The following MRPL38 variants were observed in gnomAD, a reference collection of about 807,000 sequenced individuals.
MRPL38 encodes the protein mitochondrial ribosomal protein L38.
MRPL38 carries 51 observed loss-of-function variants against 52.1 expected under a neutral mutation model. The observed-to-expected ratio is 0.98, with a 90% CI of 0.78 to 1.24. The LOEUF (loss-of-function observed/expected upper bound fraction) is 1.24, where lower values mean the gene tolerates loss of function less well. Ranked by LOEUF, MRPL38 falls within the 50% of genes most tolerant of loss-of-function variation. The pLI is 0.00. For synonymous variants in MRPL38, 245 were observed against 212.7 expected, an observed-to-expected ratio of 1.15 and a Z score of -1.32; for missense variants, 527 against 518.6, an observed-to-expected ratio of 1.02 and a Z score of -0.16.
chr17:75,904,813 G>A lies in MRPL38; in HGVS notation c.63C>T (p.Thr21=), dbSNP rs1361149681. The change falls in exon 1 of 9, where the codon ACC becomes ACT. Residue 21 remains threonine, a synonymous_variant. Coordinates refer to ENST00000309352, the MANE Select transcript of MRPL38 (RefSeq NM_032478.4). ...GCAGAGCTGCCCACCCCTCACCCGA[G>A]GTGCTGAAGCCCCGCCATCTCCGAC... ...CECRRWRGFS[T]SAVLGRRTPP... The A allele has an allele frequency of 9.6e-6, 12 of 1,254,754 alleles. No individual in the cohort carries two copies. The highest frequency in any genetic ancestry group is 9.2e-5 in the South Asian group (7 of 75,896). 77.7% of individuals were successfully genotyped at this position (1,254,754 alleles called of 1,614,324 possible).
chr17:75,900,724 A>G (rs1341397068), intron 6 of MRPL38: 1 of 986,180 alleles, frequency 1.0e-6, no homozygotes, highest in African/African-American at 1.8e-5. Flanking sequence ...CTGTCTCAAA[A>G]AAAAAAAAAA....
chr17:75,902,225 T>C (rs1441515770), intron 2 of MRPL38, 71 bp from the exon 3 acceptor site: 2 of 1,459,486 alleles, frequency 1.4e-6, no homozygotes, highest in South Asian at 1.3e-5. Flanking sequence ...CAACTCAGTC[T>C]CCTGAGTAGC....
chr17:75,899,467 C>G (rs1274833380), intron 7 of MRPL38, 49 bp downstream of exon 7: 1 of 1,543,504 alleles, frequency 6.5e-7, no homozygotes, highest in Non-Finnish European at 8.8e-7. Context: ...AGTGACCGTT[C>G]CAGGGGAGCT....
Position 75,902,100 on chromosome 17 carries a change from T to C in MRPL38, c.302A>G (p.Gln101Arg). The change falls in exon 3 of 9, where the codon CAA becomes CGA. Residue 101 changes from glutamine (Q) to arginine (R), a missense_variant. Coordinates refer to ENST00000309352, the MANE Select transcript of MRPL38 (RefSeq NM_032478.4). ...GLPPPKVSRT[Q>R]QLLERKQAIQ... ...GGCCTGTTTCCGTTCCAGTAGCTGT[T>C]GGGTCCGGGAGACTTTGGGTGGAGG... 1 of 1,601,784 alleles carries C rather than the reference T, an allele frequency of 6.2e-7. No individual in the cohort carries two copies. Among genetic ancestry groups the C allele is most frequent in the African/African-American group, 1.3e-5 (1 of 74,802 alleles).
chr17:75,901,607 G>T lies in MRPL38; in HGVS notation c.591+105C>A. ...GTGTCGTCTTCCAGGAAATCAAAGAGACAGAGAACAACAAAATTCCAAACC... is the reference window on the plus strand; with the variant it reads ...GTGTCGTCTTCCAGGAAATCAAAGATACAGAGAACAACAAAATTCCAAACC... On this transcript the variant is annotated intron_variant, in intron 4 of 8. Coordinates refer to ENST00000309352, the MANE Select transcript of MRPL38 (RefSeq NM_032478.4). This position sits in a 1 kb window ranked among gnomAD's most constrained non-coding sequence, Gnocchi z 5.7. 3.2e-6 allele frequency: 3 copies of T among 939,396 alleles called. No individual in the cohort carries two copies. The highest frequency in any genetic ancestry group is 5.1e-6 in the Non-Finnish European group (3 of 593,750). The allele number at this position is 939,396 out of a possible 1,614,324, so 58.2% of individuals were successfully genotyped here. A position where few individuals can be genotyped will look rare whatever the true frequency, so the allele number is the denominator to read the frequency against.
At chr17:75,902,461 G>A (rs1165429623) in intron 2 of MRPL38, among the ~76,000 whole-genome samples, 1 of 152,058 alleles carries the variant, frequency 6.6e-6, no homozygotes, top group Admixed American at 6.5e-5. Context: ...GCTCAGGCTG[G>A]TCTCAAAACT....
chr17:75,899,327 G>A (rs1175724974), intron 7 of MRPL38, 33 bp from the exon 8 acceptor site: 26 of 1,605,210 alleles, frequency 1.6e-5, no homozygotes, highest in Non-Finnish European at 2.2e-5. Flanking sequence ...TGAGAGTGTG[G>A]AGTGGGGCAC....
At chr17:75,899,747 A>C (rs960849958) in intron 6 of MRPL38, 73 bp from the exon 7 acceptor site, 1 of 1,308,392 alleles carries the variant, frequency 7.6e-7, no homozygotes, top group East Asian at 2.7e-5. Flanking sequence ...CTCCATGCAC[A>C]CCCTAGAGGC....
Position 75,900,977 on chromosome 17 carries a change from C to A in MRPL38, c.710+5G>T, listed in dbSNP as rs1306615367. The stretch of plus-strand genomic sequence containing the variant: ...ACCCCCTACCCCCAGTACTCCAGTA[C>A]TCACAGCAGCCAGTGGAGGTACTCA... On this transcript the variant is annotated splice_donor_5th_base_variant and intron_variant, in intron 6 of 8. Coordinates refer to ENST00000309352, the MANE Select transcript of MRPL38 (RefSeq NM_032478.4). 1.2e-6 allele frequency: 2 copies of A among 1,611,992 alleles called. No homozygotes were observed. Among genetic ancestry groups the A allele is most frequent in the Non-Finnish European group, 1.7e-6 (2 of 1,179,246 alleles).
chr17:75,899,557 G>A lies in MRPL38; in HGVS notation c.828C>T (p.Asp276=), dbSNP rs375231046. The change falls in exon 7 of 9, where the codon GAC becomes GAT. Residue 276 remains aspartate (D), a synonymous_variant. Transcript: ENST00000309352. ...CGTCCTCAGAGAAGTCAATCGGCTG[G>A]TCCTGCTTGAAGAGCAGGAAGGCAA... ...HRLAFLLFKQ[D]QPIDFSEDAR... is the part of the protein sequence containing the mutation. The A allele has an allele frequency of 3.5e-5, 57 of 1,605,652 alleles. No individual in the cohort carries two copies. In the East Asian group the frequency reaches 3.6e-4, roughly 10 times the overall value.
At chr17:75,904,208 G>C (rs1195619614) in intron 2 of MRPL38, 2 of 531,958 alleles carry the variant, frequency 3.8e-6, no homozygotes, top group African/African-American at 1.9e-5. Flanking sequence ...AGAATGCAGT[G>C]TGGCCAGAGT....
In MRPL38 at chr17:75,902,061, C is replaced by G; in HGVS notation, c.341G>C (p.Arg114Pro). ...LERKQAIQEL[R>P]ANVEEERAAR... ...AGCCCGCTCCTCTTCCACATTGGCC[C>G]GAAGCTCCTGGATGGCCTGTTTCCG... Residue 114 changes from arginine (R) to proline (P), a missense_variant, in exon 3 of 9, where the codon CGG (arginine) becomes CCG (proline). Arg to Pro is a moderately radical substitution (Grantham distance 103). Coordinates refer to ENST00000309352, the MANE Select transcript of MRPL38 (RefSeq NM_032478.4). 2 of 1,612,772 alleles carry G rather than the reference C, an allele frequency of 1.2e-6. No homozygotes were observed. The highest frequency in any genetic ancestry group is 1.7e-6 in the Non-Finnish European group (2 of 1,179,492).
At chr17:75,904,383 G>T in intron 2 of MRPL38, 157 bp downstream of exon 2, 1 of 817,226 alleles carries the variant, frequency 1.2e-6, no homozygotes, top group Non-Finnish European at 2.1e-6. Flanking sequence ...GGGTGATTAA[G>T]CTGCCGATAG....
rs2065417975 is a variant in MRPL38 at position 75,904,215 on chromosome 17, G to A, written c.247+325C>T. The A allele has an allele frequency of 5.5e-6, 3 of 541,488 alleles. No homozygotes were observed. In the Admixed American group the frequency reaches 6.7e-5, roughly 12 times the overall value. The allele number at this position is 541,488 out of a possible 1,614,324, so 33.5% of individuals were successfully genotyped here. ...GCACAGTCAGAATGCAGTGTGGCCA[G>A]AGTTACCTACAGAGTATTTGAGGCG... On this transcript the variant is annotated intron_variant, in intron 2 of 8. Coordinates refer to ENST00000309352, the MANE Select transcript of MRPL38 (RefSeq NM_032478.4).
rs758972772 is a variant in MRPL38, at chr17:75,904,601, C to T, written c.186G>A (p.Glu62=). 20 of 1,592,386 alleles carry T rather than the reference C, an allele frequency of 1.3e-5. No homozygotes were observed. Among genetic ancestry groups the T allele is most frequent in the Admixed American group, 1.7e-5 (1 of 58,884 alleles). The change falls in exon 2 of 9, where the codon GAG becomes GAA. Residue 62 remains glutamate (E), a synonymous_variant. Transcript: ENST00000309352. ...RSFDRYRRRA[E]QEAQAPHWWR... is the part of the protein sequence containing the mutation. ...ACCAGTGCGGGGCCTGCGCCTCCTG[C>T]TCTGCTCGGCGCCGGTAGCGGTCGA... is the stretch of plus-strand genomic sequence containing the variant.
At position 75,904,634 on chromosome 17, in the gene MRPL38, G is replaced by A. The variant is rs1254343137; in HGVS notation, c.153C>T (p.Tyr51=). ...DLSNLERLEK[Y]RSFDRYRRRA... ...GGCGCCGGTAGCGGTCGAAGCTCCG[G>A]TACTTCTCCAGCCGCTCCAGGTTGC... The change falls in exon 2 of 9, where the codon TAC becomes TAT. Residue 51 remains tyrosine, a synonymous_variant. Coordinates refer to ENST00000309352, the MANE Select transcript of MRPL38 (RefSeq NM_032478.4). 6.3e-7 allele frequency: 1 copy of A among 1,595,548 alleles called. No homozygotes were observed. The highest frequency in any genetic ancestry group is 1.3e-5 in the African/African-American group (1 of 74,920).
In MRPL38 at chr17:75,899,585, C is replaced by G; in HGVS notation, c.800G>C (p.Arg267Pro). ...CTGCTTGAAGAGCAGGAAGGCAAGA[C>G]GGTGGATGCCGGAGCCTCGGGCAGG... ...PFPARGSGIH[R>P]LAFLLFKQDQ... The change falls in exon 7 of 9, where the codon CGT (arginine) becomes CCT (proline). Residue 267 changes from arginine to proline, a missense_variant. Transcript: ENST00000309352. 6.2e-7 allele frequency: 1 copy of G among 1,607,366 alleles called. No individual in the cohort carries two copies. The highest frequency in any genetic ancestry group is 1.1e-5 in the South Asian group (1 of 90,290).
rs540394556 is a variant in MRPL38 at position 75,902,008 on chromosome 17, G to A, written c.382+12C>T. 6.2e-7 allele frequency: 1 copy of A among 1,613,328 alleles called. No individual in the cohort carries two copies. The highest frequency in any genetic ancestry group is 8.5e-7 in the Non-Finnish European group (1 of 1,179,526). On this transcript the variant is annotated intron_variant, in intron 3 of 8. Transcript: ENST00000309352. ...CCAACTCTGGGATGGCCCCTCCCCT[G>A]AGAAGGCTTACCTGTGCGGAGGCGG...
At position 75,904,699 on chromosome 17, in the gene MRPL38, G is replaced by A. The variant is rs777199413; in HGVS notation, c.88C>T (p.Pro30Ser). Residue 30 changes from proline to serine, a missense_variant, in exon 2 of 9, where the codon CCC becomes TCC. By Grantham distance (74) the Pro-to-Ser change is moderately conservative (BLOSUM62 -1). Transcript: ENST00000309352. ...STSAVLGRRT[P>S]PLGPMPNSDI... ...CTGTTGGGCATCGGCCCCAGCGGGG[G>A]TGTCCGGCGGCCCAGGACGGCTGCG... 15 of 1,592,896 alleles carry A rather than the reference G, an allele frequency of 9.4e-6. No individual in the cohort carries two copies. In the African/African-American group the frequency reaches 1.7e-4, roughly 19 times the overall value.
Sources: gnomAD v4.1 joint callset for allele counts (sites outside exome capture counted in the v4.1 genomes callset) on GRCh38, gnomAD v4.1.1 for gene constraint, Gnocchi (gnomAD v3.1) non-coding constraint, MANE v1.5 for transcripts, NCBI Gene and HGNC (gene_info 2026-07-23, HGNC 2026-07-21) for gene names.